MCU: variants seen among roughly 807,000 people sequenced by gnomAD.
MCU encodes calcium uniporter protein, mitochondrial.
MCU carries 12 observed loss-of-function variants against 45.2 expected under a neutral mutation model. That is an observed-to-expected ratio of 0.27 (90% CI 0.17 to 0.43). The LOEUF is 0.43. Among genes scored for constraint, MCU ranks in the 20% least tolerant of loss-of-function variants. The pLI, the probability that MCU is intolerant of heterozygous loss-of-function variation, is 1.00. For missense variants in MCU, 324 were observed against 436.7 expected, an observed-to-expected ratio of 0.74 and a Z score of 2.30; for synonymous variants, 160 against 165.1, an observed-to-expected ratio of 0.97 and a Z score of 0.24.
intron 1 of MCU, among the ~76,000 whole-genome samples, chr10:72,729,310 CA>C (rs559656773): frequency 1.3e-5 from 2 of 151,104 alleles, no homozygotes; most frequent in Admixed American, 6.6e-5. Context: ...ACTAAAAATA[CA>C]AAAAAAAATT....
chr10:72,837,989 T>C (rs961681246), intron 2 of MCU, among the ~76,000 whole-genome samples: 2 of 151,632 alleles, frequency 1.3e-5, no homozygotes, highest in Non-Finnish European at 2.9e-5. Flanking sequence ...CCCGAGTAGC[T>C]GGGACTACAG....
chr10:72,814,358 T>C (rs189361944), intron 1 of MCU, among the ~76,000 whole-genome samples: 51 of 152,324 alleles, frequency 3.3e-4, no homozygotes, highest in Middle Eastern at 3.4e-3. Flanking sequence ...AGCAATTCTT[T>C]CACACTGCTG....
chr10:72,836,749 A>G (rs1240881084), intron 2 of MCU, among the ~76,000 whole-genome samples: 1 of 152,238 alleles, frequency 6.6e-6, no homozygotes, highest in African/African-American at 2.4e-5. Flanking sequence ...TCAAGAAATA[A>G]AAGCACAAAA....
chr10:72,738,650 T>C (rs1351218560), intron 1 of MCU, among the ~76,000 whole-genome samples: 1 of 152,256 alleles, frequency 6.6e-6, no homozygotes, highest in Non-Finnish European at 1.5e-5. Flanking sequence ...AAATGCTATA[T>C]TTGGCACCCA....
intron 6 of MCU, among the ~76,000 whole-genome samples, chr10:72,874,117 T>G (rs1004767330): frequency 5.9e-5 from 9 of 152,228 alleles, no homozygotes; most frequent in Non-Finnish European, 8.8e-5. Context: ...TTTAGAATTT[T>G]TTTCCTATTT....
Position 72,887,473 on chromosome 10 carries a change from C to T in MCU, c.*1651C>T, listed in dbSNP as rs1306587708. The T allele has an allele frequency of 2.0e-5, 3 of 152,688 alleles. No homozygotes were observed. The highest frequency in any genetic ancestry group is 7.2e-5 in the African/African-American group (3 of 41,428). The allele number at this position is 152,688 out of a possible 1,614,324, so 9.5% of individuals were successfully genotyped here. ...TTAAGTTGTGTGAATTATTTTTAAC[C>T]CATTTATCCTGTTTGTGCATAGGGT... is the stretch of plus-strand genomic sequence containing the variant. On this transcript the variant is annotated 3_prime_UTR_variant, in exon 8 of 8. Coordinates refer to ENST00000373053, the MANE Select transcript of MCU (RefSeq NM_138357.3).
intron 1 of MCU, among the ~76,000 whole-genome samples, chr10:72,751,341 C>CTTTTTTTTTTTTTTTTTTTT (rs71021528): frequency 1.1e-4 from 5 of 44,742 alleles, no homozygotes; most frequent in African/African-American, 2.5e-4. Context: ...TCTTCTTCTT[C>CTTTTTTTTTTTTTTTTTTTT]TTTTTTTTTT....
chr10:72,822,391 G>C (rs1202386725), intron 1 of MCU, among the ~76,000 whole-genome samples: 1 of 152,132 alleles, frequency 6.6e-6, no homozygotes, highest in Non-Finnish European at 1.5e-5. Context: ...CCATTAAAAA[G>C]TTATGAGGGT....
chr10:72,854,746 C>T (rs1845261585), intron 2 of MCU, among the ~76,000 whole-genome samples: 1 of 152,180 alleles, frequency 6.6e-6, no homozygotes, highest in African/African-American at 2.4e-5. Context: ...CCAAAGCCAG[C>T]CTATTGCTTA....
At chr10:72,736,321 C>T (rs1009296913) in intron 1 of MCU, among the ~76,000 whole-genome samples, 2 of 152,116 alleles carry the variant, frequency 1.3e-5, no homozygotes, top group African/African-American at 4.8e-5. Flanking sequence ...ACCTTCATCT[C>T]CAAGGTTTGG....
At chr10:72,847,548 C>T (rs555638241) in intron 2 of MCU, among the ~76,000 whole-genome samples, 1 of 152,264 alleles carries the variant, frequency 6.6e-6, no homozygotes, top group African/African-American at 2.4e-5. Flanking sequence ...TCTGTACTAT[C>T]TGCAGCTGGG....
intron 1 of MCU, among the ~76,000 whole-genome samples, chr10:72,695,240 T>G (rs1200123871): frequency 3.3e-5 from 5 of 152,250 alleles, no homozygotes; most frequent in African/African-American, 1.2e-4. Flanking sequence ...ATCTTTTACT[T>G]AAGTCTGTCA....
At chr10:72,747,898 C>T (rs1329552418) in intron 1 of MCU, among the ~76,000 whole-genome samples, 1 of 151,484 alleles carries the variant, frequency 6.6e-6, no homozygotes, top group African/African-American at 2.4e-5. Flanking sequence ...ATTTTAGTAG[C>T]CGTATTTTAA....
intron 1 of MCU, among the ~76,000 whole-genome samples, chr10:72,801,036 C>T (rs1844331076): frequency 6.6e-6 from 1 of 152,100 alleles, no homozygotes; most frequent in Non-Finnish European, 1.5e-5. Flanking sequence ...CTACAGTGAG[C>T]TATGATTGAT....
chr10:72,834,960 C>G (rs1168950653), intron 2 of MCU, among the ~76,000 whole-genome samples: 2 of 152,176 alleles, frequency 1.3e-5, no homozygotes, highest in East Asian at 3.9e-4. Flanking sequence ...CCTCATTTAT[C>G]TGTTAAAACT....
chr10:72,857,358 G>A (rs1191176761), intron 2 of MCU, among the ~76,000 whole-genome samples: 2 of 151,842 alleles, frequency 1.3e-5, no homozygotes, highest in Non-Finnish European at 2.9e-5. Flanking sequence ...TCCTGCCTCA[G>A]CCTCCCGAGT....
At chr10:72,698,061 A>G (rs554579458) in intron 1 of MCU, among the ~76,000 whole-genome samples, 3 of 152,234 alleles carry the variant, frequency 2.0e-5, no homozygotes, top group Admixed American at 2.0e-4. Context: ...GATTACAGGC[A>G]TGAGCTACCA....
At chr10:72,746,185 G>A (rs1843412615) in intron 1 of MCU, among the ~76,000 whole-genome samples, 1 of 152,060 alleles carries the variant, frequency 6.6e-6, no homozygotes, top group African/African-American at 2.4e-5. Context: ...TATAGTTATA[G>A]TATTCGAATA....
At chr10:72,788,738 C>T (rs1844114684) in intron 1 of MCU, among the ~76,000 whole-genome samples, 1 of 152,228 alleles carries the variant, frequency 6.6e-6, no homozygotes, top group Non-Finnish European at 1.5e-5. Context: ...GAGATGGCTA[C>T]AGGAAAATGT....
Sources: allele counts gnomAD v4.1 joint callset (sites outside exome capture counted in the v4.1 genomes callset), GRCh38; gene constraint gnomAD v4.1.1; transcripts MANE v1.5; gene names NCBI Gene and HGNC (gene_info 2026-07-23, HGNC 2026-07-21).